The following DIAPH2 variants were observed in gnomAD, a reference collection of about 807,000 sequenced individuals.
DIAPH2 encodes the protein diaphanous related formin 2.
A neutral mutation model predicts 92.7 loss-of-function variants in DIAPH2; 35 were observed. That is an observed-to-expected ratio of 0.38 (90% confidence interval 0.29 to 0.50). The LOEUF (loss-of-function observed/expected upper bound fraction) is 0.50. DIAPH2 is among the 20% of genes least tolerant of loss of function. The probability of loss-of-function intolerance (pLI) is 0.94; values close to 1 mark genes in which losing one functional copy is unlikely to be tolerated. For missense variants in DIAPH2, 701 were observed against 819.5 expected (o/e 0.86, Z 1.77); for synonymous variants, 301 against 280.4 (o/e 1.07, Z -0.73).
chrX:96,997,242 A>G (rs542241507), intron 17 of DIAPH2, among the ~76,000 whole-genome samples: 1 of 112,061 alleles, frequency 8.9e-6, no homozygotes, highest in African/African-American at 3.2e-5. Context: ...TTTGTTATCT[A>G]TACTTAGAGG....
intron 24 of DIAPH2, among the ~76,000 whole-genome samples, chrX:97,373,361 G>A (rs193175510): frequency 3.7e-5 from 4 of 109,203 alleles, no homozygotes; most frequent in East Asian, 2.9e-4. Flanking sequence ...AGACGTTCTC[G>A]GTAATTTAAT....
intron 21 of DIAPH2, among the ~76,000 whole-genome samples, chrX:97,125,245 C>T (rs1380747222): frequency 1.8e-5 from 2 of 109,960 alleles, no homozygotes; most frequent in African/African-American, 6.6e-5. Flanking sequence ...GAGGCCGAGG[C>T]GGGTGGATCA....
chrX:96,766,854 T>C (rs1978794616), intron 4 of DIAPH2, among the ~76,000 whole-genome samples: 1 of 112,339 alleles, frequency 8.9e-6, no homozygotes, highest in Non-Finnish European at 1.9e-5. Flanking sequence ...ACCATCAGTC[T>C]TTACTTTTCA....
In DIAPH2 at chrX:97,455,765, T is replaced by C. The variant is rs150860838; in HGVS notation, c.3241+26020T>C. On this transcript the variant is annotated intron_variant, in intron 26 of 26. Coordinates refer to ENST00000324765, the MANE Select transcript of DIAPH2 (RefSeq NM_006729.5). Reference sequence around the variant, plus strand: ...AAATATTACCTTTATTGTATATGTTTGAAGTATGTTTGTAGCTTTAGTTGC... The same window carrying C: ...AAATATTACCTTTATTGTATATGTTCGAAGTATGTTTGTAGCTTTAGTTGC... Among the ~76,000 whole-genome samples, 28 of 112,364 alleles carry C rather than the reference T, an allele frequency of 2.5e-4. No homozygotes were observed. In the East Asian group the frequency reaches 7.0e-3, roughly 28 times the overall value.
intron 5 of DIAPH2, among the ~76,000 whole-genome samples, 192 bp downstream of exon 5, chrX:96,881,910 A>G (rs1206692821): frequency 3.6e-5 from 4 of 111,833 alleles, no homozygotes; most frequent in Non-Finnish European, 7.5e-5. Flanking sequence ...ATCTCTAGTA[A>G]TGTACAATTT....
intron 1 of DIAPH2, among the ~76,000 whole-genome samples, chrX:96,714,491 T>C (rs2063938294): frequency 9.0e-6 from 1 of 110,788 alleles, no homozygotes; most frequent in African/African-American, 3.3e-5. Context: ...CTCGAACTCC[T>C]GACCTCGGGT....
chrX:96,794,545 A>C (rs1278987506), intron 4 of DIAPH2, among the ~76,000 whole-genome samples: 1 of 110,171 alleles, frequency 9.1e-6, no homozygotes, highest in African/African-American at 3.3e-5. Flanking sequence ...AAGTCTGATA[A>C]TACCAGCTCT....
In DIAPH2 at chrX:97,477,624, ATC is replaced by A. The variant is rs200318791; in HGVS notation, c.3241+47881_3241+47882del. Among the ~76,000 whole-genome samples the A allele has an allele frequency of 6.9e-4, 75 of 108,443 alleles. No individual in the cohort carries two copies. The South Asian group carries it at 0.011, about 16-fold the overall frequency. The allele number at this position is 108,443 out of a possible 115,157, so 94.2% of individuals were successfully genotyped here. ...CGTCTAAAAAAAAATCTATCTATCTATCTATATATATATATGTGTGTGTGTGT... is the reference window on the plus strand; with the variant it reads ...CGTCTAAAAAAAAATCTATCTATCTATATATATATATATGTGTGTGTGTGT... On this transcript the variant is annotated intron_variant, in intron 26 of 26. Coordinates refer to ENST00000324765, the MANE Select transcript of DIAPH2 (RefSeq NM_006729.5).
At chrX:96,765,708 A>G (rs372757150) in intron 4 of DIAPH2, among the ~76,000 whole-genome samples, 5 of 110,892 alleles carry the variant, frequency 4.5e-5, no homozygotes, top group African/African-American at 1.3e-4. Flanking sequence ...AGAGACTACT[A>G]TATTTCCCTC....
intron 22 of DIAPH2, among the ~76,000 whole-genome samples, chrX:97,154,756 TA>T (rs1283190656): frequency 1.8e-5 from 2 of 112,209 alleles, no homozygotes; most frequent in Non-Finnish European, 3.8e-5. Flanking sequence ...TCCCTTGGTT[TA>T]AATGTGTCAG....
At chrX:97,335,502 C>A (rs926863046) in intron 23 of DIAPH2, among the ~76,000 whole-genome samples, 2 of 111,570 alleles carry the variant, frequency 1.8e-5, no homozygotes, top group Admixed American at 1.9e-4. Context: ...TACTGACATT[C>A]CAAAATATAC....
chrX:97,476,029 G>C (rs2070600430), intron 26 of DIAPH2, among the ~76,000 whole-genome samples: 1 of 109,513 alleles, frequency 9.1e-6, no homozygotes. Flanking sequence ...TGTGTTGTTA[G>C]AACCCAACAC....
chrX:96,854,567 T>C (rs2065024884), intron 4 of DIAPH2, among the ~76,000 whole-genome samples: 1 of 90,711 alleles, frequency 1.1e-5, no homozygotes, highest in Admixed American at 1.3e-4. Context: ...GTAGTGTATA[T>C]ATATAAAAAA....
chrX:97,265,146 G>T (rs2068325624), intron 23 of DIAPH2, among the ~76,000 whole-genome samples: 1 of 111,705 alleles, frequency 9.0e-6, no homozygotes, highest in Non-Finnish European at 1.9e-5. Context: ...AGAGAGGGCT[G>T]ACAATAATAG....
At chrX:96,781,190 G>T (rs1316898847) in intron 4 of DIAPH2, among the ~76,000 whole-genome samples, 1 of 111,476 alleles carries the variant, frequency 9.0e-6, no homozygotes, top group Non-Finnish European at 1.9e-5. Flanking sequence ...AATTTTAGTG[G>T]TCTGAATTGA....
intron 4 of DIAPH2, among the ~76,000 whole-genome samples, chrX:96,827,487 C>G (rs1261426514): frequency 9.0e-6 from 1 of 111,694 alleles, no homozygotes; most frequent in Non-Finnish European, 1.9e-5. Flanking sequence ...TTAAAAATAG[C>G]ATTAGCACCC....
At chrX:96,922,569 A>C (rs1354653050) in intron 9 of DIAPH2, among the ~76,000 whole-genome samples, 3 of 111,663 alleles carry the variant, frequency 2.7e-5, no homozygotes, top group African/African-American at 9.7e-5. Context: ...GTTATCTGTA[A>C]AAAATGAGTC....
chrX:96,723,866 C>T (rs1027662356), intron 1 of DIAPH2, among the ~76,000 whole-genome samples: 4 of 108,303 alleles, frequency 3.7e-5, no homozygotes, highest in Admixed American at 2.0e-4. Context: ...GGTACTGACA[C>T]AGTAATGTGG....
At chrX:96,948,418 C>G (rs1433763294) in intron 14 of DIAPH2, among the ~76,000 whole-genome samples, 1 of 110,286 alleles carries the variant, frequency 9.1e-6, no homozygotes, top group Non-Finnish European at 1.9e-5. Flanking sequence ...ACTAAAAATA[C>G]AAAAATTAGC....
Sources: allele counts gnomAD v4.1 joint callset (sites outside exome capture counted in the v4.1 genomes callset), GRCh38; gene constraint gnomAD v4.1.1; transcripts MANE v1.5; gene names NCBI Gene and HGNC (gene_info 2026-07-23, HGNC 2026-07-21).